The following ANKS3 variants were observed in gnomAD, a reference collection of about 807,000 sequenced individuals.
ANKS3 encodes the protein ankyrin repeat and SAM domain-containing protein 3.
In ANKS3, 62 loss-of-function variants were observed where a neutral mutation model predicts 80.7. That is an observed-to-expected ratio of 0.77 (90% CI 0.63 to 0.95). The LOEUF (loss-of-function observed/expected upper bound fraction) is 0.95, where lower values mean the gene tolerates loss of function less well. Ranked by LOEUF, ANKS3 falls within the 40% of genes least tolerant of loss-of-function variation. ANKS3 has a pLI of 0.00. For missense variants in ANKS3, 1,150 were observed against 883.6 expected, an observed-to-expected ratio of 1.30 and a Z score of -3.82; for synonymous variants, 489 against 355.3, an observed-to-expected ratio of 1.38 and a Z score of -4.23.
chr16:4,731,603 A>AT, intron 1 of ANKS3, 24 bp from the exon 2 acceptor site: 2 of 918,372 alleles, frequency 2.2e-6, no homozygotes, highest in Non-Finnish European at 2.6e-6. Context: ...ATATAAATTA[A>AT]TTTTTCTGGA....
Position 4,697,994 on chromosome 16 carries a change from A to T in ANKS3, c.1793T>A (p.Leu598Gln). The change falls in exon 15 of 18, where the codon CTA becomes CAA. Residue 598 changes from leucine (L) to glutamine (Q), a missense_variant. Transcript: ENST00000304283. The part of the protein sequence containing the change: ...DQPPGAATLG[L>Q]AVPPADSKGW... ...GCTCTTACCAGCTGGGGGGACGGCT[A>T]GGCCCAGAGTGGCTGCACCAGGGGG... The T allele has an allele frequency of 6.2e-7, 1 of 1,601,116 alleles. No homozygotes were observed. Among genetic ancestry groups the T allele is most frequent in the East Asian group, 2.2e-5 (1 of 44,686 alleles).
chr16:4,728,697 A>C (rs1353078006), intron 3 of ANKS3, among the ~76,000 whole-genome samples: 5 of 151,918 alleles, frequency 3.3e-5, no homozygotes, highest in African/African-American at 1.2e-4. Context: ...ATCCCATCAC[A>C]ACACAAACGC....
rs9940489 is a variant in ANKS3 at position 4,715,225 on chromosome 16, G to A, written c.574-1039C>T. Among the ~76,000 whole-genome samples, 656 of 151,940 alleles carry A rather than the reference G, an allele frequency of 4.3e-3. 8 individuals are homozygous for A. The highest frequency in any genetic ancestry group is 0.015 in the African/African-American group (615 of 41,434). On this transcript the variant is annotated intron_variant, in intron 6 of 17. Coordinates refer to ENST00000304283, the MANE Select transcript of ANKS3 (RefSeq NM_133450.4). ...ACAGGCCAAGGCAGGTGGATCGCTC[G>A]GCTCAGGAGTTGGACAACAACCTGG...
rs766291824 is a variant in ANKS3, at chr16:4,700,964, T to G, written c.1284+6A>C. On this transcript the variant is annotated splice_donor_region_variant and intron_variant, in intron 11 of 17. Coordinates refer to ENST00000304283, the MANE Select transcript of ANKS3 (RefSeq NM_133450.4). Reference sequence around the variant, plus strand: ...GTGTAACCTCCAGTTTCACAAGCGGTCTTACCTGGGGTCCTGAGTAGGGGG... The same window carrying G: ...GTGTAACCTCCAGTTTCACAAGCGGGCTTACCTGGGGTCCTGAGTAGGGGG... 21 of 1,613,838 alleles carry G rather than the reference T, an allele frequency of 1.3e-5. No individual in the cohort carries two copies. In the African/African-American group the frequency reaches 2.5e-4, roughly 19 times the overall value.
chr16:4,699,284 G>C (rs1250512657), intron 11 of ANKS3, 108 bp from the exon 12 acceptor site: 4 of 1,443,368 alleles, frequency 2.8e-6, no homozygotes, highest in Non-Finnish European at 2.8e-6. Context: ...AACCAAGACA[G>C]TGCCTTGTGT....
At chr16:4,721,263 C>G (rs2081077694) in intron 6 of ANKS3, among the ~76,000 whole-genome samples, 1 of 148,860 alleles carries the variant, frequency 6.7e-6, no homozygotes, top group African/African-American at 2.5e-5. Flanking sequence ...CGAGATCGTG[C>G]CACTGCACTC....
chr16:4,715,361 G>A (rs2080739049), intron 6 of ANKS3, among the ~76,000 whole-genome samples: 1 of 152,216 alleles, frequency 6.6e-6, no homozygotes, highest in South Asian at 2.1e-4. Context: ...TGTCAGACCA[G>A]GCAGCTGGGG....
intron 6 of ANKS3, among the ~76,000 whole-genome samples, chr16:4,715,185 T>C (rs1478921984): frequency 6.6e-6 from 1 of 152,044 alleles, no homozygotes; most frequent in Admixed American, 6.6e-5. Flanking sequence ...CTCATGCCTG[T>C]AATCCCAGCA....
chr16:4,697,400 T>C lies in ANKS3; in HGVS notation c.1827A>G (p.Gln609=), dbSNP rs1249058807. The C allele has an allele frequency of 3.7e-6, 6 of 1,607,784 alleles. No individual in the cohort carries two copies. The African/African-American group carries it at 4.0e-5, about 11-fold the overall frequency. The change falls in exon 16 of 18, where the codon CAA becomes CAG. Residue 609 remains glutamine, a synonymous_variant. Transcript: ENST00000304283. Reference sequence around the variant, plus strand: ...GGAGGCTCATGGCCTGCAGGGACGCTTGCCAGCCCTTGGAGTCTGTGGTGC... The same window carrying C: ...GGAGGCTCATGGCCTGCAGGGACGCCTGCCAGCCCTTGGAGTCTGTGGTGC... ...AVPPADSKGW[Q]ASLQAMSLPE... is the part of the protein sequence containing the mutation.
At chr16:4,724,017 G>T (rs896615290) in intron 6 of ANKS3, among the ~76,000 whole-genome samples, 1 of 152,108 alleles carries the variant, frequency 6.6e-6, no homozygotes, top group Admixed American at 6.6e-5. Context: ...CCACGATCTC[G>T]CCACTGAACT....
chr16:4,712,205 T>C (rs1408448852), intron 7 of ANKS3, among the ~76,000 whole-genome samples: 1 of 151,804 alleles, frequency 6.6e-6, no homozygotes, highest in Non-Finnish European at 1.5e-5. Context: ...ACCCCGTCTC[T>C]ACTAAAAATA....
At chr16:4,712,089 C>T (rs542449280) in intron 7 of ANKS3, among the ~76,000 whole-genome samples, 1 of 152,176 alleles carries the variant, frequency 6.6e-6, no homozygotes, top group African/African-American at 2.4e-5. Flanking sequence ...GTATAGACCA[C>T]GCCGGGAGCG....
At position 4,734,012 on chromosome 16, in the gene ANKS3, C is replaced by A; in HGVS notation, c.-145G>T. 1 of 985,438 alleles carries A rather than the reference C, an allele frequency of 1.0e-6. No homozygotes were observed. Among genetic ancestry groups the A allele is most frequent in the Non-Finnish European group, 1.2e-6 (1 of 829,902 alleles). 61.0% of individuals were successfully genotyped at this position (985,438 alleles called of 1,614,324 possible). On this transcript the variant is annotated 5_prime_UTR_variant, in exon 1 of 18. Transcript: ENST00000304283. ...ACGGCGCACAGGGCATTACTGTGCC[C>A]CCACCACAACCACATAAAGAAAATG...
At chr16:4,701,862 G>A in intron 9 of ANKS3, 2 of 509,792 alleles carry the variant, frequency 3.9e-6, no homozygotes, top group Non-Finnish European at 6.8e-6. Context: ...AGCCTCAGGG[G>A]CTCCCAAGCA....
At position 4,730,141 on chromosome 16, in the gene ANKS3, C is replaced by T. The variant is rs1042636730; in HGVS notation, c.9G>A (p.Glu3=). 5.1e-6 allele frequency: 8 copies of T among 1,560,348 alleles called. No individual in the cohort carries two copies. Among genetic ancestry groups the T allele is most frequent in the East Asian group, 4.8e-5 (2 of 42,076 alleles). MS[E]LSDEASEPEL... ...CCGGCTCGCTGGCTTCATCGCTGAG[C>T]TCGGACATCACTGAGGAGGAAGGCC... is the stretch of plus-strand genomic sequence containing the variant. Residue 3 remains glutamate, a synonymous_variant, in exon 3 of 18, where the codon GAG becomes GAA. Coordinates refer to ENST00000304283, the MANE Select transcript of ANKS3 (RefSeq NM_133450.4).
intron 8 of ANKS3, among the ~76,000 whole-genome samples, chr16:4,703,970 A>G (rs2142044764): frequency 6.6e-6 from 1 of 152,276 alleles, no homozygotes. Context: ...TCCCCACCAC[A>G]CCTCAGGCTG....
intron 11 of ANKS3, 157 bp from the exon 12 acceptor site, chr16:4,699,333 G>T: frequency 1.9e-6 from 2 of 1,031,962 alleles, no homozygotes; most frequent in Non-Finnish European, 2.8e-6. Flanking sequence ...TGGTGGCTCA[G>T]GCAGGGCAGG....
intron 8 of ANKS3, among the ~76,000 whole-genome samples, chr16:4,703,129 T>C (rs1385436838): frequency 1.3e-5 from 2 of 152,230 alleles, no homozygotes; most frequent in Non-Finnish European, 2.9e-5. Flanking sequence ...TAAACTGTTT[T>C]TGAGACAGGG....
chr16:4,723,670 T>C (rs574625792), intron 6 of ANKS3, among the ~76,000 whole-genome samples: 1 of 152,374 alleles, frequency 6.6e-6, no homozygotes, highest in Non-Finnish European at 1.5e-5. Flanking sequence ...TATCCTGCTA[T>C]ACAGATATAT....
Sources: allele counts gnomAD v4.1 joint callset (sites outside exome capture counted in the v4.1 genomes callset), GRCh38; gene constraint gnomAD v4.1.1; transcripts MANE v1.5; gene names NCBI Gene and HGNC (gene_info 2026-07-23, HGNC 2026-07-21).